RNF216: variants seen among roughly 807,000 people sequenced by gnomAD.
RNF216 encodes E3 ubiquitin-protein ligase RNF216.
In RNF216, 72 loss-of-function variants were observed where a neutral mutation model predicts 110.8. The observed-to-expected ratio is 0.65, with a 90% CI of 0.54 to 0.79. The LOEUF is 0.79. Among genes scored for constraint, RNF216 ranks in the 30% least tolerant of loss-of-function variants. The probability of loss-of-function intolerance (pLI) is 0.00; values close to 1 mark genes in which losing one functional copy is unlikely to be tolerated. For synonymous variants in RNF216, 495 were observed against 407.5 expected (o/e 1.21, Z -2.59); for missense variants, 1,342 against 1,141.2 (o/e 1.18, Z -2.54).
intron 9 of RNF216, among the ~76,000 whole-genome samples, chr7:5,719,465 C>T (rs1793276344): frequency 6.6e-6 from 1 of 152,186 alleles, no homozygotes; most frequent in African/African-American, 2.4e-5. Flanking sequence ...GGTCATTTGG[C>T]TGTGCCCAAA....
intron 7 of RNF216, among the ~76,000 whole-genome samples, chr7:5,727,305 C>T (rs868676081): frequency 6.6e-6 from 1 of 152,210 alleles, no homozygotes; most frequent in Non-Finnish European, 1.5e-5. Context: ...ACCCTTATGA[C>T]CACAAGCTTT....
intron 1 of RNF216, among the ~76,000 whole-genome samples, chr7:5,762,415 T>C (rs1795981790): frequency 6.6e-6 from 1 of 151,342 alleles, no homozygotes; most frequent in Admixed American, 6.6e-5. Flanking sequence ...CCCAGCACTT[T>C]GGGAGGCTGA....
intron 14 of RNF216, among the ~76,000 whole-genome samples, chr7:5,647,564 G>A (rs1365048170): frequency 1.3e-5 from 2 of 151,740 alleles, no homozygotes; most frequent in African/African-American, 2.4e-5. Context: ...CAACTCCTGG[G>A]TTCAAGCAAT....
intron 2 of RNF216, among the ~76,000 whole-genome samples, chr7:5,755,852 A>G (rs2128666682): frequency 6.6e-6 from 1 of 152,312 alleles, no homozygotes; most frequent in South Asian, 2.1e-4. Context: ...CCATTTTGGC[A>G]GATAACACTA....
chr7:5,766,361 C>A (rs74981409), intron 1 of RNF216, among the ~76,000 whole-genome samples: 6,515 of 152,186 alleles, frequency 0.043, 156 homozygotes, highest in South Asian at 0.072. Flanking sequence ...AAGTGTGTCA[C>A]GCCTGGCCTC....
chr7:5,731,910 G>C (rs1166815749), intron 5 of RNF216, among the ~76,000 whole-genome samples: 1 of 144,992 alleles, frequency 6.9e-6, no homozygotes, highest in Non-Finnish European at 1.5e-5. Context: ...GGTTTGGAGA[G>C]GTTCATTGAT....
At chr7:5,688,981 C>T (rs773900821) in intron 13 of RNF216, among the ~76,000 whole-genome samples, 1 of 152,140 alleles carries the variant, frequency 6.6e-6, no homozygotes, top group Non-Finnish European at 1.5e-5. Flanking sequence ...AAAGGAAATA[C>T]TCCTTTTTCT....
At chr7:5,748,073 G>T (rs1795132522) in intron 3 of RNF216, among the ~76,000 whole-genome samples, 1 of 152,096 alleles carries the variant, frequency 6.6e-6, no homozygotes, top group African/African-American at 2.4e-5. Context: ...CCAATAGGCG[G>T]TATCAGGCAA....
chr7:5,735,970 G>A (rs1386278255), intron 5 of RNF216, among the ~76,000 whole-genome samples: 5 of 152,324 alleles, frequency 3.3e-5, no homozygotes, highest in African/African-American at 9.6e-5. Flanking sequence ...GCGCATGCCT[G>A]TAATCCCAGC....
chr7:5,755,847 T>G (rs113699406), intron 2 of RNF216, among the ~76,000 whole-genome samples: 44 of 152,194 alleles, frequency 2.9e-4, no homozygotes, highest in Non-Finnish European at 6.0e-4. Context: ...ATGCTCCATT[T>G]TGGCAGATAA....
intron 3 of RNF216, among the ~76,000 whole-genome samples, chr7:5,748,901 C>T (rs1050414295): frequency 6.6e-6 from 1 of 152,056 alleles, no homozygotes; most frequent in African/African-American, 2.4e-5. Flanking sequence ...AGAATTTTAA[C>T]GAAGGCTATA....
At chr7:5,765,403 G>A (rs892558587) in intron 1 of RNF216, among the ~76,000 whole-genome samples, 1 of 151,506 alleles carries the variant, frequency 6.6e-6, no homozygotes, top group African/African-American at 2.4e-5. Context: ...GGTGGAGGTT[G>A]CAGTGAGCTG....
At chr7:5,707,063 C>G (rs764505808) in intron 13 of RNF216, among the ~76,000 whole-genome samples, 2 of 152,180 alleles carry the variant, frequency 1.3e-5, no homozygotes, top group African/African-American at 4.8e-5. Context: ...TCTTTGCACC[C>G]TTGTTGAAGA....
At chr7:5,688,823 T>C (rs369520677) in intron 13 of RNF216, among the ~76,000 whole-genome samples, 2 of 152,046 alleles carry the variant, frequency 1.3e-5, no homozygotes, top group African/African-American at 4.8e-5. Context: ...AAAGAGTTGC[T>C]CTTAATAATA....
chr7:5,702,900 A>G (rs1040960694), intron 13 of RNF216, among the ~76,000 whole-genome samples: 10 of 152,114 alleles, frequency 6.6e-5, no homozygotes, highest in Admixed American at 1.3e-4. Flanking sequence ...ATTTACCATC[A>G]CCTGACTTTA....
At chr7:5,734,971 T>C (rs1197954347) in intron 5 of RNF216, among the ~76,000 whole-genome samples, 1 of 151,604 alleles carries the variant, frequency 6.6e-6, no homozygotes, top group Non-Finnish European at 1.5e-5. Context: ...GCCAACATGG[T>C]GAAACCCTAT....
chr7:5,773,972 T>C (rs764570011), intron 1 of RNF216, among the ~76,000 whole-genome samples: 11 of 152,358 alleles, frequency 7.2e-5, no homozygotes, highest in Non-Finnish European at 1.5e-4. Context: ...TTAGTTGAAA[T>C]GTCAGGCTTG....
intron 2 of RNF216, among the ~76,000 whole-genome samples, chr7:5,755,539 G>C (rs1249164573): frequency 6.6e-6 from 1 of 152,146 alleles, no homozygotes; most frequent in South Asian, 2.1e-4. Flanking sequence ...CTCAAAGGGA[G>C]GATTTCTAAT....
intron 13 of RNF216, among the ~76,000 whole-genome samples, chr7:5,674,194 T>A (rs1449203632): frequency 6.6e-6 from 1 of 151,912 alleles, no homozygotes; most frequent in Non-Finnish European, 1.5e-5. Flanking sequence ...CACGCCCAGC[T>A]AATTTTTGTA....
Sources: allele counts gnomAD v4.1 joint callset (sites outside exome capture counted in the v4.1 genomes callset), GRCh38; gene constraint gnomAD v4.1.1; transcripts MANE v1.5; gene names NCBI Gene and HGNC (gene_info 2026-07-23, HGNC 2026-07-21).